The following ATF1 variants were observed in gnomAD, a reference collection of about 807,000 sequenced individuals.
The protein encoded by ATF1 is cyclic AMP-dependent transcription factor ATF-1.
Under a neutral mutation model 34.7 loss-of-function variants are expected in ATF1, and 16 were observed. That is an observed-to-expected ratio of 0.46 (90% CI 0.31 to 0.70). The LOEUF (loss-of-function observed/expected upper bound fraction) is 0.70, where lower values mean the gene tolerates loss of function less well. ATF1 is among the 30% of genes least tolerant of loss of function. The pLI is 0.05. For synonymous variants in ATF1, 105 were observed against 113.1 expected, an observed-to-expected ratio of 0.93 and a Z score of 0.46; for missense variants, 255 against 321.6, an observed-to-expected ratio of 0.79 and a Z score of 1.58.
At chr12:50,794,855 G>A (rs7978559) in intron 2 of ATF1, among the ~76,000 whole-genome samples, 35,653 of 151,926 alleles carry the variant, frequency 0.23, 5,036 homozygotes, top group Non-Finnish European at 0.32. Context: ...GGAAGGCGAC[G>A]CTACAGTGAG....
In ATF1 at chr12:50,796,021, C is replaced by A. The variant is rs201939021; in HGVS notation, c.194+12C>A. ...CGCCCATCTTACAGGTGAGTACTCTCTTGTATGAAGCCCTGCATGTTATGA... is the reference window on the plus strand; with the variant it reads ...CGCCCATCTTACAGGTGAGTACTCTATTGTATGAAGCCCTGCATGTTATGA... On this transcript the variant is annotated intron_variant, in intron 3 of 6. Transcript: ENST00000262053. 14 of 1,581,708 alleles carry A rather than the reference C, an allele frequency of 8.9e-6. No individual in the cohort carries two copies. The Admixed American group carries it at 1.3e-4, about 15-fold the overall frequency.
Position 50,819,944 on chromosome 12 carries a change from A to G in ATF1, c.*165A>G. On this transcript the variant is annotated 3_prime_UTR_variant, in exon 7 of 7. Transcript: ENST00000262053. ...TATCTAGTGACAGAGGAGAAAGTGG[A>G]AAATGACCTCAAGGAAGCTACGGGC... 1.8e-6 allele frequency: 1 copy of G among 565,090 alleles called. No homozygotes were observed. The highest frequency in any genetic ancestry group is 2.9e-6 in the Non-Finnish European group (1 of 342,668). 35.0% of individuals were successfully genotyped at this position (565,090 alleles called of 1,614,324 possible).
chr12:50,776,890 G>A (rs1408234168), intron 1 of ATF1, among the ~76,000 whole-genome samples: 1 of 152,152 alleles, frequency 6.6e-6, no homozygotes, highest in Non-Finnish European at 1.5e-5. Flanking sequence ...TTGAGATGGA[G>A]TCTGGCTCTG....
intron 2 of ATF1, among the ~76,000 whole-genome samples, chr12:50,785,280 TAC>T (rs1480193589): frequency 1.5e-4 from 13 of 86,154 alleles, no homozygotes; most frequent in African/African-American, 5.8e-4. Flanking sequence ...ATTATATATA[TAC>T]ATACACACAC....
intron 2 of ATF1, among the ~76,000 whole-genome samples, chr12:50,786,275 G>T (rs929148298): frequency 7.9e-5 from 12 of 152,194 alleles, no homozygotes; most frequent in African/African-American, 2.4e-4. Flanking sequence ...AGAATAAGTT[G>T]TATGTTCTAT....
At chr12:50,774,323 C>A (rs1196725671) in intron 1 of ATF1, among the ~76,000 whole-genome samples, 5 of 152,234 alleles carry the variant, frequency 3.3e-5, no homozygotes, top group Non-Finnish European at 5.9e-5. Context: ...GCGTGAGCCA[C>A]CGCGCCCGGC....
At chr12:50,785,534 A>T (rs1022907181) in intron 2 of ATF1, among the ~76,000 whole-genome samples, 7 of 152,188 alleles carry the variant, frequency 4.6e-5, no homozygotes, top group African/African-American at 1.7e-4. Context: ...CACATTTATT[A>T]TCTCACAGTT....
At chr12:50,810,897 T>A (rs1941722822) in intron 4 of ATF1, among the ~76,000 whole-genome samples, 1 of 152,224 alleles carries the variant, frequency 6.6e-6, no homozygotes, top group Non-Finnish European at 1.5e-5. Flanking sequence ...GTGATTTATT[T>A]AAGATGTCAA....
At chr12:50,796,900 T>C (rs1941419315) in intron 3 of ATF1, among the ~76,000 whole-genome samples, 1 of 151,740 alleles carries the variant, frequency 6.6e-6, no homozygotes, top group African/African-American at 2.4e-5. Flanking sequence ...AAAAAATAAA[T>C]AAATGGGACT....
chr12:50,785,136 C>G (rs1941155648), intron 2 of ATF1, among the ~76,000 whole-genome samples: 1 of 147,724 alleles, frequency 6.8e-6, no homozygotes, highest in Admixed American at 6.9e-5. Flanking sequence ...AATGAAATTA[C>G]TTGACCCGGG....
At chr12:50,815,816 A>G (rs1043150424) in intron 6 of ATF1, among the ~76,000 whole-genome samples, 1 of 152,242 alleles carries the variant, frequency 6.6e-6, no homozygotes, top group Non-Finnish European at 1.5e-5. Flanking sequence ...ACCTGTACTC[A>G]TAAGTTTACT....
intron 3 of ATF1, among the ~76,000 whole-genome samples, chr12:50,806,152 GAAA>G (rs112814512): frequency 9.4e-6 from 1 of 106,860 alleles, no homozygotes; most frequent in African/African-American, 3.3e-5. Flanking sequence ...CTGTCTCAAA[GAAA>G]AAAAAAAAAA....
chr12:50,814,532 G>A, intron 6 of ATF1, 93 bp downstream of exon 6: 5 of 1,292,566 alleles, frequency 3.9e-6, no homozygotes, highest in Non-Finnish European at 5.3e-6. Context: ...ACAGTCATGG[G>A]CTGCATGACA....
At chr12:50,769,583 A>G (rs1254902168) in intron 1 of ATF1, among the ~76,000 whole-genome samples, 2 of 152,196 alleles carry the variant, frequency 1.3e-5, no homozygotes, top group East Asian at 1.9e-4. Flanking sequence ...TTATATTTAC[A>G]TAACTGTATT....
chr12:50,816,865 TAAAA>T (rs1941853573), intron 6 of ATF1, among the ~76,000 whole-genome samples: 1 of 151,358 alleles, frequency 6.6e-6, no homozygotes, highest in African/African-American at 2.4e-5. Context: ...GTCTCAAAAA[TAAAA>T]CAAACAAAAA....
chr12:50,810,363 G>GT lies in ATF1; in HGVS notation c.328+775dup, dbSNP rs1941710833. 2.6e-5 allele frequency among the ~76,000 whole-genome samples: 4 copies of GT among 151,286 alleles called. No individual in the cohort carries two copies. In the South Asian group the frequency reaches 8.4e-4, roughly 32 times the overall value. The stretch of plus-strand genomic sequence containing the variant: ...CTCCCAAGTAGCTGGGATTACAGGC[G>GT]TGTACCACTTCGCTTGGCTAATTTT... On this transcript the variant is annotated intron_variant, in intron 4 of 6. Transcript: ENST00000262053.
At chr12:50,806,341 T>C in intron 3 of ATF1, 1 of 487,804 alleles carries the variant, frequency 2.0e-6, no homozygotes, top group South Asian at 1.5e-5. Flanking sequence ...TTTACTTGGC[T>C]GTCATTGACA....
chr12:50,819,514 CTG>C lies in ATF1; in HGVS notation c.672-115_672-114del. 4 of 1,111,846 alleles carry C rather than the reference CTG, an allele frequency of 3.6e-6. 1 individual carries two copies. The South Asian group carries it at 6.1e-5, about 17-fold the overall frequency. 68.9% of individuals were successfully genotyped at this position (1,111,846 alleles called of 1,614,324 possible). On this transcript the variant is annotated intron_variant, in intron 6 of 6. Transcript: ENST00000262053. ...TCTACACTTAAGATCTATGTATTCTCTGTGTGTAGATGATACTTTAAAGAGAA... is the reference window on the plus strand; with the variant it reads ...TCTACACTTAAGATCTATGTATTCTCTGTGTAGATGATACTTTAAAGAGAA...
chr12:50,805,675 A>T (rs922993860), intron 3 of ATF1, among the ~76,000 whole-genome samples: 3 of 152,042 alleles, frequency 2.0e-5, no homozygotes, highest in Admixed American at 2.0e-4. Flanking sequence ...TCAAGCATGA[A>T]TAATTAGTTC....
Sources: gnomAD v4.1 joint callset for allele counts (sites outside exome capture counted in the v4.1 genomes callset) on GRCh38, gnomAD v4.1.1 for gene constraint, MANE v1.5 for transcripts, NCBI Gene and HGNC (gene_info 2026-07-23, HGNC 2026-07-21) for gene names.